Variants in WDR49 observed in about 807,000 individuals in gnomAD.
WDR49 encodes cilia- and flagella-associated protein 337.
Under a neutral mutation model 119.5 loss-of-function variants are expected in WDR49, and 107 were observed. The ratio of observed to expected loss-of-function variants is 0.90; its 90% CI spans 0.77 to 1.05. The LOEUF is 1.05. Among genes scored for constraint, WDR49 ranks in the 50% least tolerant of loss-of-function variants. The pLI is 0.00. For missense variants in WDR49, 1,240 were observed against 1,220.5 expected (o/e 1.02, Z -0.24); for synonymous variants, 425 against 418.8 (o/e 1.01, Z -0.18).
intron 18 of WDR49, among the ~76,000 whole-genome samples, chr3:167,492,546 A>C (rs1463364116): frequency 6.6e-6 from 1 of 152,122 alleles, no homozygotes; most frequent in Non-Finnish European, 1.5e-5. Context: ...CCAATAAATA[A>C]AATGTATCAA....
rs200934043 is a variant in WDR49, at chr3:167,596,870, T to TAATAAATAAATA, written c.1275+5245_1275+5256dup. Among the ~76,000 whole-genome samples, 722 of 141,334 alleles carry TAATAAATAAATA rather than the reference T, an allele frequency of 5.1e-3. 6 individuals are homozygous for TAATAAATAAATA. The highest frequency in any genetic ancestry group is 0.015 in the East Asian group (74 of 4,800). The allele number at this position is 141,334 out of a possible 152,430, so 92.7% of individuals were successfully genotyped here. On this transcript the variant is annotated intron_variant, in intron 7 of 18. Coordinates refer to ENST00000682715, the MANE Select transcript of WDR49 (RefSeq NM_001366157.1). ...ATGTACCCTAAAACTTAAAGTATAA[T>TAATAAATAAATA]AATAAATAAATAAATAAATAAATAA... is the stretch of plus-strand genomic sequence containing the variant.
At chr3:167,529,385 C>A in intron 13 of WDR49, 146 bp from the exon 14 acceptor site, 1 of 664,910 alleles carries the variant, frequency 1.5e-6, no homozygotes, top group Non-Finnish European at 2.4e-6. Context: ...TTAATTTTCT[C>A]AAATATAAAA....
chr3:167,547,581 A>G (rs964117161), intron 10 of WDR49, among the ~76,000 whole-genome samples: 4 of 151,788 alleles, frequency 2.6e-5, no homozygotes, highest in Admixed American at 6.6e-5. Context: ...TCAAAGAAGC[A>G]AGGAAAGGAA....
At chr3:167,593,323 C>T (rs1018655016) in intron 7 of WDR49, among the ~76,000 whole-genome samples, 3 of 151,756 alleles carry the variant, frequency 2.0e-5, no homozygotes, top group African/African-American at 7.3e-5. Flanking sequence ...CCTCTGACTG[C>T]ATTTCTAAAT....
In WDR49 at chr3:167,576,482, T is replaced by C. The variant is rs150003243; in HGVS notation, c.1276-331A>G. ...TAATTCCCAGAACCTGTGAATATGT[T>C]ATCTTAGGTGGCAAAAGAGATTCTG... is the stretch of plus-strand genomic sequence containing the variant. On this transcript the variant is annotated intron_variant, in intron 7 of 18. Coordinates refer to ENST00000682715, the MANE Select transcript of WDR49 (RefSeq NM_001366157.1). Among the ~76,000 whole-genome samples, 479 of 152,278 alleles carry C rather than the reference T, an allele frequency of 3.1e-3. 2 individuals carry two copies. The highest frequency in any genetic ancestry group is 0.011 in the African/African-American group (459 of 41,534).
At chr3:167,657,897 C>G (rs981476633), upstream of WDR49, among the ~76,000 whole-genome samples, 1 of 152,196 alleles carries the variant, frequency 6.6e-6, no homozygotes, top group Non-Finnish European at 1.5e-5. Context: ...GTAAAGGAAC[C>G]TCCTCTCAAA....
chr3:167,589,675 A>T (rs906708165), intron 7 of WDR49, among the ~76,000 whole-genome samples: 4 of 151,900 alleles, frequency 2.6e-5, no homozygotes, highest in African/African-American at 7.2e-5. Flanking sequence ...TTATTCCTAG[A>T]TATTTAATTT....
chr3:167,520,475 C>T (rs543454218), intron 16 of WDR49, among the ~76,000 whole-genome samples: 1 of 152,230 alleles, frequency 6.6e-6, no homozygotes, highest in South Asian at 2.1e-4. Context: ...TATGTAAAGT[C>T]TTTCCATTCC....
intron 11 of WDR49, among the ~76,000 whole-genome samples, chr3:167,535,036 C>T (rs1417613503): frequency 6.6e-6 from 1 of 152,146 alleles, no homozygotes; most frequent in Non-Finnish European, 1.5e-5. Context: ...GTGTTAAATG[C>T]TTGCACAGAT....
chr3:167,572,214 G>T (rs1329975686), intron 8 of WDR49, among the ~76,000 whole-genome samples: 1 of 152,192 alleles, frequency 6.6e-6, no homozygotes, highest in Non-Finnish European at 1.5e-5. Flanking sequence ...GCTGCTGGCT[G>T]TGAGGGCAAA....
rs1714219092 is a variant in WDR49 at position 167,575,840 on chromosome 3, C to A, written c.1509+78G>T. On this transcript the variant is annotated intron_variant, in intron 8 of 18. Transcript: ENST00000682715. The stretch of plus-strand genomic sequence containing the variant: ...TTTACTATATTTGTCTTTCATTTTA[C>A]CTTAAACTGAATTAAGTAAATGAGC... 15 of 1,445,804 alleles carry A rather than the reference C, an allele frequency of 1.0e-5. No individual in the cohort carries two copies. In the South Asian group the frequency reaches 1.9e-4, roughly 18 times the overall value. 89.6% of individuals were successfully genotyped at this position (1,445,804 alleles called of 1,614,324 possible).
intron 17 of WDR49, among the ~76,000 whole-genome samples, chr3:167,500,755 T>A (rs2140364): frequency 6.6e-6 from 1 of 151,998 alleles, no homozygotes; most frequent in Non-Finnish European, 1.5e-5. Context: ...TTGTATTTAT[T>A]ATGCACACAA....
chr3:167,527,889 G>A lies in WDR49; in HGVS notation c.2535C>T (p.Ile845=). 6.2e-7 allele frequency: 1 copy of A among 1,613,268 alleles called. No individual in the cohort carries two copies. Among genetic ancestry groups the A allele is most frequent in the Non-Finnish European group, 8.5e-7 (1 of 1,179,524 alleles). The change falls in exon 15 of 19, where the codon ATC becomes ATT. Residue 845 remains isoleucine (I), a synonymous_variant. Coordinates refer to ENST00000682715, the MANE Select transcript of WDR49 (RefSeq NM_001366157.1). ...AAATACTGCAGTCTGCAGAGGAGGA[G>A]ATAATCAGTAACTGACCACCTGGCT... ...MCEPGGQLLI[I]SSSADCSICV...
intron 18 of WDR49, among the ~76,000 whole-genome samples, chr3:167,488,641 C>T (rs1444100738): frequency 1.3e-5 from 2 of 152,112 alleles, no homozygotes; most frequent in African/African-American, 4.8e-5. Context: ...GCCTCCCTGG[C>T]CACATAACTT....
intron 7 of WDR49, among the ~76,000 whole-genome samples, chr3:167,584,631 A>G (rs1012560658): frequency 1.3e-5 from 2 of 152,172 alleles, no homozygotes; most frequent in Non-Finnish European, 2.9e-5. Context: ...AAACAAATTC[A>G]TGTATATTTA....
intron 5 of WDR49, among the ~76,000 whole-genome samples, chr3:167,609,281 G>C (rs1476077532): frequency 6.6e-6 from 1 of 152,096 alleles, no homozygotes; most frequent in Non-Finnish European, 1.5e-5. Context: ...CGCTGAAAGA[G>C]GCACTGAAGA....
At chr3:167,619,121 T>A (rs1414268037) in intron 5 of WDR49, among the ~76,000 whole-genome samples, 1 of 152,184 alleles carries the variant, frequency 6.6e-6, no homozygotes, top group Non-Finnish European at 1.5e-5. Flanking sequence ...TATTTAAAGG[T>A]TATGGACTCA....
chr3:167,583,555 C>G (rs1385066645), intron 7 of WDR49, among the ~76,000 whole-genome samples: 1 of 151,960 alleles, frequency 6.6e-6, no homozygotes, highest in Non-Finnish European at 1.5e-5. Flanking sequence ...AAAAATAAAG[C>G]ATAATTTCTG....
chr3:167,502,746 C>T (rs2108211355), intron 17 of WDR49, among the ~76,000 whole-genome samples: 1 of 152,278 alleles, frequency 6.6e-6, no homozygotes, highest in East Asian at 1.9e-4. Flanking sequence ...GCAGAGCACT[C>T]AAGATGTTCC....
Sources: gnomAD v4.1 joint callset for allele counts (sites outside exome capture counted in the v4.1 genomes callset) on GRCh38, gnomAD v4.1.1 for gene constraint, MANE v1.5 for transcripts, NCBI Gene and HGNC (gene_info 2026-07-23, HGNC 2026-07-21) for gene names.